Variants in CDH13 observed in about 807,000 individuals in gnomAD.
CDH13 encodes the protein cadherin 13.
Under a neutral mutation model 63.8 loss-of-function variants are expected in CDH13, and 24 were observed. That is an observed-to-expected ratio of 0.38 (90% CI 0.27 to 0.53). CDH13 has a LOEUF of 0.53. Ranked by LOEUF, CDH13 falls within the 20% of genes least tolerant of loss-of-function variation. The probability of loss-of-function intolerance (pLI) is 0.85; values close to 1 mark genes in which losing one functional copy is unlikely to be tolerated. For synonymous variants in CDH13, 503 were observed against 355.3 expected (o/e 1.42, Z -4.67); for missense variants, 1,049 against 903.1 (o/e 1.16, Z -2.07).
At chr16:83,489,286 A>G (rs2073958667) in intron 7 of CDH13, among the ~76,000 whole-genome samples, 1 of 152,186 alleles carries the variant, frequency 6.6e-6, no homozygotes, top group Admixed American at 6.5e-5. Context: ...TGTAATAAGT[A>G]TGTAATTATG....
chr16:82,627,685 CG>C (rs1444621181), intron 1 of CDH13, among the ~76,000 whole-genome samples: 1 of 152,104 alleles, frequency 6.6e-6, no homozygotes, highest in Non-Finnish European at 1.5e-5. Flanking sequence ...GAAGGCGCCT[CG>C]GGGCAGCAGA....
chr16:82,643,392 T>G (rs1909662309), intron 1 of CDH13, among the ~76,000 whole-genome samples: 1 of 152,154 alleles, frequency 6.6e-6, no homozygotes, highest in South Asian at 2.1e-4. Flanking sequence ...AAGATCCCCA[T>G]TGTCCACCCT....
intron 2 of CDH13, among the ~76,000 whole-genome samples, chr16:82,943,683 A>G (rs888174052): frequency 6.6e-6 from 1 of 152,226 alleles, no homozygotes; most frequent in African/African-American, 2.4e-5. Flanking sequence ...GACACTTTGG[A>G]GAACAAAGAA....
At chr16:83,469,567 C>G (rs2073403763) in intron 6 of CDH13, among the ~76,000 whole-genome samples, 1 of 152,118 alleles carries the variant, frequency 6.6e-6, no homozygotes, top group African/African-American at 2.4e-5. Context: ...TTCAGGGCAA[C>G]CTTGATCATG....
intron 11 of CDH13, among the ~76,000 whole-genome samples, chr16:83,779,435 A>AAAAAAAAC (rs1320918465): frequency 6.7e-6 from 1 of 149,564 alleles, no homozygotes; most frequent in Non-Finnish European, 1.5e-5. Context: ...AAAAAAAAAA[A>AAAAAAAAC]AAAGTCTTAT....
At chr16:82,699,151 G>A (rs989271392) in intron 1 of CDH13, among the ~76,000 whole-genome samples, 2 of 152,186 alleles carry the variant, frequency 1.3e-5, no homozygotes, top group Non-Finnish European at 2.9e-5. Flanking sequence ...CCTGATTGTT[G>A]AAGGTGGATA....
At chr16:83,060,720 A>G (rs1325797607) in intron 3 of CDH13, among the ~76,000 whole-genome samples, 1 of 152,186 alleles carries the variant, frequency 6.6e-6, no homozygotes, top group Non-Finnish European at 1.5e-5. Context: ...AGATCTCTGC[A>G]TTAGGATGCA....
At chr16:83,346,385 G>A (rs1277011834) in intron 6 of CDH13, among the ~76,000 whole-genome samples, 1 of 152,170 alleles carries the variant, frequency 6.6e-6, no homozygotes, top group Non-Finnish European at 1.5e-5. Flanking sequence ...TCTTAAACGA[G>A]CTGATGTGCA....
intron 1 of CDH13, among the ~76,000 whole-genome samples, chr16:82,654,655 G>C (rs566605466): frequency 1.3e-5 from 2 of 152,088 alleles, no homozygotes; most frequent in Non-Finnish European, 2.9e-5. Flanking sequence ...TTATTTGGGG[G>C]CAGACATCCT....
intron 1 of CDH13, among the ~76,000 whole-genome samples, chr16:82,781,178 A>C (rs1380106709): frequency 6.6e-6 from 1 of 152,250 alleles, no homozygotes; most frequent in African/African-American, 2.4e-5. Flanking sequence ...AATTTTTTAA[A>C]ACAATGAAAT....
chr16:83,032,461 C>A, intron 3 of CDH13: 1 of 501,912 alleles, frequency 2.0e-6, no homozygotes, highest in Non-Finnish European at 3.6e-6. Context: ...GATACTTCTG[C>A]CTTCAGGCGT....
chr16:83,014,251 G>C (rs530422318), intron 2 of CDH13, among the ~76,000 whole-genome samples: 13 of 147,396 alleles, frequency 8.8e-5, no homozygotes, highest in Admixed American at 5.5e-4. Flanking sequence ...CATCAGATTG[G>C]CCAACAAAAA....
chr16:83,372,568 A>G (rs1224433803), intron 6 of CDH13, among the ~76,000 whole-genome samples: 1 of 151,998 alleles, frequency 6.6e-6, no homozygotes, highest in Non-Finnish European at 1.5e-5. Context: ...CCTGGCCAAC[A>G]TGGTGAAACC....
intron 6 of CDH13, among the ~76,000 whole-genome samples, chr16:83,404,484 G>A (rs992394156): frequency 2.6e-5 from 4 of 152,198 alleles, no homozygotes; most frequent in Non-Finnish European, 5.9e-5. Context: ...TAAGTGATGC[G>A]TGCAAAATAC....
intron 2 of CDH13, among the ~76,000 whole-genome samples, chr16:82,938,276 G>T (rs1437157563): frequency 6.6e-6 from 1 of 152,186 alleles, no homozygotes; most frequent in Non-Finnish European, 1.5e-5. Flanking sequence ...ACATGAAAAG[G>T]AATCGTGATA....
chr16:83,408,617 C>A (rs113109552), intron 6 of CDH13, among the ~76,000 whole-genome samples: 2 of 152,176 alleles, frequency 1.3e-5, no homozygotes, highest in African/African-American at 4.8e-5. Context: ...AATGAGACAA[C>A]TTTCCTATAT....
At chr16:83,559,334 G>A (rs932189142) in intron 7 of CDH13, among the ~76,000 whole-genome samples, 2 of 152,164 alleles carry the variant, frequency 1.3e-5, no homozygotes, top group African/African-American at 4.8e-5. Context: ...CACTTTGGGA[G>A]GCCGAGGCAG....
rs369961871 is a variant in CDH13 at position 82,957,113 on chromosome 16, C to T, written c.158-74897C>T. On this transcript the variant is annotated intron_variant, in intron 2 of 13. Coordinates refer to ENST00000567109, the MANE Select transcript of CDH13 (RefSeq NM_001257.5). ...CCCAGACAACTCACCACCACATCCA[C>T]ATTCTATCCCAGTCAGTGGGAAAGG... 2.0e-5 allele frequency among the ~76,000 whole-genome samples: 3 copies of T among 152,142 alleles called. No homozygotes were observed. In the East Asian group the frequency reaches 5.8e-4, roughly 29 times the overall value.
At chr16:82,978,977 G>A (rs911436643) in intron 2 of CDH13, among the ~76,000 whole-genome samples, 3 of 152,216 alleles carry the variant, frequency 2.0e-5, no homozygotes, top group African/African-American at 7.2e-5. Flanking sequence ...AGCCACAGGG[G>A]TGGAGCTGCC....
Sources: allele counts gnomAD v4.1 joint callset (sites outside exome capture counted in the v4.1 genomes callset), GRCh38; gene constraint gnomAD v4.1.1; transcripts MANE v1.5; gene names NCBI Gene and HGNC (gene_info 2026-07-23, HGNC 2026-07-21).